ACSL6: variants seen among roughly 807,000 people sequenced by gnomAD.
The protein encoded by ACSL6 is acyl-CoA synthetase long chain family member 6, also known as long-chain-fatty-acid--CoA ligase 6.
ACSL6 carries 47 observed loss-of-function variants against 98.2 expected under a neutral mutation model. The ratio of observed to expected loss-of-function variants is 0.48; its 90% CI spans 0.38 to 0.61. ACSL6 has a LOEUF of 0.61. ACSL6 is among the 20% of genes least tolerant of loss of function. ACSL6 has a pLI of 0.00. For missense variants in ACSL6, 761 were observed against 913.4 expected (o/e 0.83, Z 2.15); for synonymous variants, 362 against 336.9 (o/e 1.07, Z -0.82).
At position 131,970,023 on chromosome 5, in the gene ACSL6, C is replaced by T. The variant is rs553603438; in HGVS notation, c.1507+105G>A. The stretch of plus-strand genomic sequence containing the variant: ...TTTTTTCTGTCTCTTTTGCTTTATT[C>T]CTAAGTACCCATGCAAATTTACTTT... On this transcript the variant is annotated intron_variant, in intron 15 of 20. Coordinates refer to ENST00000651883, the MANE Select transcript of ACSL6 (RefSeq NM_001009185.3). The T allele has an allele frequency of 8.7e-5, 84 of 960,010 alleles. No individual in the cohort carries two copies. The East Asian group carries it at 1.8e-3, about 21-fold the overall frequency. The allele number at this position is 960,010 out of a possible 1,614,324, so 59.5% of individuals were successfully genotyped here.
chr5:131,956,270 CATT>C (rs1752399086), intron 20 of ACSL6, among the ~76,000 whole-genome samples: 1 of 152,074 alleles, frequency 6.6e-6, no homozygotes, highest in South Asian at 2.1e-4. Context: ...TAAAAGAAAA[CATT>C]ATGATCTTAG....
Position 131,976,717 on chromosome 5 carries a change from G to A in ACSL6, c.921C>T (p.Asn307=), listed in dbSNP as rs761271407. 6.2e-7 allele frequency: 1 copy of A among 1,614,064 alleles called. No individual in the cohort carries two copies. The highest frequency in any genetic ancestry group is 1.1e-5 in the South Asian group (1 of 91,078). ...IVCFTSGTTG[N]PKGAMLTHGN... is the part of the protein sequence containing the mutation. ...CATGGGTGAGCATCGCACCTTTTGG[G>A]TTCCCTATAAAAAGAAAGCAAGAAG... The change falls in exon 10 of 21, where the codon AAC becomes AAT. Residue 307 remains asparagine (N), a synonymous_variant. Transcript: ENST00000651883.
In ACSL6 at chr5:131,988,235, G is replaced by A; in HGVS notation, c.653-9C>T. ...CACGGTGCTGATGTCCGCTGCAGGG[G>A]GCCATCAAGGAGAGTCAGGCCATGT... On this transcript the variant is annotated splice_polypyrimidine_tract_variant and intron_variant, in intron 6 of 20. Coordinates refer to ENST00000651883, the MANE Select transcript of ACSL6 (RefSeq NM_001009185.3). 3 of 1,613,618 alleles carry A rather than the reference G, an allele frequency of 1.9e-6. No homozygotes were observed. Among genetic ancestry groups the A allele is most frequent in the Non-Finnish European group, 2.5e-6 (3 of 1,179,662 alleles).
At chr5:132,000,186 G>A (rs1755009436) in intron 1 of ACSL6, among the ~76,000 whole-genome samples, 1 of 152,024 alleles carries the variant, frequency 6.6e-6, no homozygotes, top group African/African-American at 2.4e-5. Flanking sequence ...GGAAAGAAAT[G>A]GCACAGTTCC....
At position 131,960,545 on chromosome 5, in the gene ACSL6, G is replaced by A; in HGVS notation, c.1934C>T (p.Thr645Ile). ...CTTATTTGTGCAGAGATCTGCATAT[G>A]TTCCTTCAATTCCTCTCTTCTGGGC... ...SWAQKRGIEG[T>I]YADLCTNKDL... The change falls in exon 19 of 21, where the codon ACA becomes ATA. Residue 645 changes from threonine to isoleucine, a missense_variant. Coordinates refer to ENST00000651883, the MANE Select transcript of ACSL6 (RefSeq NM_001009185.3). 12 of 1,614,008 alleles carry A rather than the reference G, an allele frequency of 7.4e-6. No individual in the cohort carries two copies. The highest frequency in any genetic ancestry group is 1.0e-5 in the Non-Finnish European group (12 of 1,179,986).
In ACSL6 at chr5:132,011,607, C is replaced by CGCAGCCCCGCAGCCCA. The variant is rs1190201862; in HGVS notation, c.-70_-55dup. The stretch of plus-strand genomic sequence containing the variant: ...GCCCGGCCTCCCCGACCCGCAGCCC[C>CGCAGCCCCGCAGCCCA]GCAGCCCCGCAGCCCAGCAGCCCCA... On this transcript the variant is annotated 5_prime_UTR_variant, in exon 1 of 21. Coordinates refer to ENST00000651883, the MANE Select transcript of ACSL6 (RefSeq NM_001009185.3). The surrounding 1 kb of genome is among the most constrained non-coding windows in gnomAD (Gnocchi z 5.4). 10 of 1,390,512 alleles carry CGCAGCCCCGCAGCCCA rather than the reference C, an allele frequency of 7.2e-6. No individual in the cohort carries two copies. Among genetic ancestry groups the CGCAGCCCCGCAGCCCA allele is most frequent in the South Asian group, 1.7e-5 (1 of 60,000 alleles). The allele number at this position is 1,390,512 out of a possible 1,614,324, so 86.1% of individuals were successfully genotyped here. A position where few individuals can be genotyped will look rare whatever the true frequency, so the allele number is the denominator to read the frequency against.
At position 131,988,810 on chromosome 5, in the gene ACSL6, T is replaced by A; in HGVS notation, c.647A>T (p.Asn216Ile). 1 of 1,613,618 alleles carries A rather than the reference T, an allele frequency of 6.2e-7. No individual in the cohort carries two copies. The highest frequency in any genetic ancestry group is 2.2e-5 in the East Asian group (1 of 44,830). Reference sequence around the variant, plus strand: ...TGGGGTGGCAGTGGGCTTACCTGTATTGATGATGTAGCGGATAGCCCCAGG... The same window carrying A: ...TGGGGTGGCAGTGGGCTTACCTGTAATGATGATGTAGCGGATAGCCCCAGG... The part of the protein sequence containing the change: ...LGPGAIRYII[N>I]TADISTVIVD... Residue 216 changes from asparagine (N) to isoleucine (I), a missense_variant, in exon 6 of 21, where the codon AAT becomes ATT. Transcript: ENST00000651883.
chr5:131,983,936 G>A (rs1404679889), intron 9 of ACSL6: 1 of 152,300 alleles, frequency 6.6e-6, no homozygotes, highest in Non-Finnish European at 1.5e-5. Context: ...GTGACCAAGT[G>A]ACCTGTTAAA....
At chr5:132,008,586 A>G (rs1755543874) in intron 1 of ACSL6, among the ~76,000 whole-genome samples, 1 of 152,148 alleles carries the variant, frequency 6.6e-6, no homozygotes, top group Non-Finnish European at 1.5e-5. Context: ...CAGCAGCTAA[A>G]TGGAGGGATC....
intron 8 of ACSL6, 79 bp downstream of exon 8, chr5:131,986,743 G>A: frequency 6.5e-7 from 1 of 1,541,962 alleles, no homozygotes; most frequent in Admixed American, 1.7e-5. Context: ...GTGCTGTTCT[G>A]TGCACAGTGA....
chr5:131,996,817 A>G (rs1173240953), intron 1 of ACSL6, among the ~76,000 whole-genome samples: 2 of 152,308 alleles, frequency 1.3e-5, no homozygotes, highest in East Asian at 3.9e-4. Context: ...CCTGGGAAGG[A>G]CACATGAGGA....
At chr5:131,988,934 A>G (rs1754351705) in intron 5 of ACSL6, 30 bp from the exon 6 acceptor site, 1 of 1,595,912 alleles carries the variant, frequency 6.3e-7, no homozygotes, top group Non-Finnish European at 8.6e-7. Context: ...GGGGGTGGGG[A>G]AGAAGGGGAG....
chr5:131,986,780 C>CA, intron 8 of ACSL6, 42 bp downstream of exon 8: 1 of 1,612,764 alleles, frequency 6.2e-7, no homozygotes, highest in Non-Finnish European at 8.5e-7. Flanking sequence ...AGGCCCTGCA[C>CA]GCCATCTCGC....
rs1561797168 is a variant in ACSL6 at position 131,985,730 on chromosome 5, A to C, written c.865-272T>G. On this transcript the variant is annotated intron_variant, in intron 8 of 20. Transcript: ENST00000651883. ...CACATCTGGTCCCACTGCCTCCCCTACTTGAGCCTGGGCTGAATTATCCTA... is the reference window on the plus strand; with the variant it reads ...CACATCTGGTCCCACTGCCTCCCCTCCTTGAGCCTGGGCTGAATTATCCTA... Among the ~76,000 whole-genome samples, 2 of 152,144 alleles carry C rather than the reference A, an allele frequency of 1.3e-5. 1 individual carries two copies. The highest frequency in any genetic ancestry group is 4.1e-4 in the South Asian group (2 of 4,830).
At position 131,951,141 on chromosome 5, in the gene ACSL6, C is replaced by T. The variant is rs553394655; in HGVS notation, c.*3093G>A. 8.1e-4 allele frequency: 166 copies of T among 205,070 alleles called. 1 individual carries two copies. The highest frequency in any genetic ancestry group is 3.6e-3 in the African/African-American group (157 of 43,892). The allele number at this position is 205,070 out of a possible 1,614,324, so 12.7% of individuals were successfully genotyped here. On this transcript the variant is annotated 3_prime_UTR_variant, in exon 21 of 21. Coordinates refer to ENST00000651883, the MANE Select transcript of ACSL6 (RefSeq NM_001009185.3). ...TTGCAAAATATGAGAATTACTAATA[C>T]ATTTGAATAACAGATAAAAAGGCCA... is the stretch of plus-strand genomic sequence containing the variant.
At chr5:131,991,449 T>A (rs1371442307) in intron 2 of ACSL6, among the ~76,000 whole-genome samples, 2 of 152,132 alleles carry the variant, frequency 1.3e-5, no homozygotes, top group East Asian at 3.9e-4. Context: ...CTGCCACCCA[T>A]CATTCACATA....
upstream of ACSL6, chr5:132,011,926 G>A: frequency 6.4e-7 from 1 of 1,555,616 alleles, no homozygotes; most frequent in Non-Finnish European, 8.7e-7. This position sits in a 1 kb window ranked among gnomAD's most constrained non-coding sequence, Gnocchi z 5.4. Flanking sequence ...GGCATTCTGC[G>A]GAAACCGGCT....
chr5:131,966,799 C>T (rs1753038227), intron 16 of ACSL6, among the ~76,000 whole-genome samples: 1 of 152,230 alleles, frequency 6.6e-6, no homozygotes, highest in Non-Finnish European at 1.5e-5. Context: ...AGCCCTCTGG[C>T]CTTGGCCACA....
chr5:131,960,942 T>C (rs896467769), intron 18 of ACSL6: 4 of 211,498 alleles, frequency 1.9e-5, no homozygotes, highest in Non-Finnish European at 3.7e-5. Context: ...CCAAATTCTC[T>C]GAACCAAAAT....
Sources: gnomAD v4.1 joint callset for allele counts (sites outside exome capture counted in the v4.1 genomes callset) on GRCh38, gnomAD v4.1.1 for gene constraint, Gnocchi (gnomAD v3.1) non-coding constraint, MANE v1.5 for transcripts, NCBI Gene and HGNC (gene_info 2026-07-23, HGNC 2026-07-21) for gene names.